The following PCDH15 variants were observed in gnomAD, a reference collection of about 807,000 sequenced individuals.
The protein encoded by PCDH15 is protocadherin-15.
In PCDH15, 129 loss-of-function variants were observed where a neutral mutation model predicts 178.5. That is an observed-to-expected ratio of 0.72 (90% CI 0.63 to 0.84). The LOEUF is 0.84. Ranked by LOEUF, PCDH15 falls within the 40% of genes least tolerant of loss-of-function variation. The pLI is 0.00. For synonymous variants in PCDH15, 800 were observed against 732.0 expected (o/e 1.09, Z -1.50); for missense variants, 2,230 against 2,099.9 (o/e 1.06, Z -1.21).
chr10:54,305,798 G>C (rs933940446), intron 8 of PCDH15, among the ~76,000 whole-genome samples: 4 of 151,802 alleles, frequency 2.6e-5, no homozygotes, highest in African/African-American at 9.7e-5. Flanking sequence ...AAAGGAGCCA[G>C]CCATAGGAAA....
At chr10:54,548,543 TG>T (rs1400100322) in intron 2 of PCDH15, among the ~76,000 whole-genome samples, 2 of 130,848 alleles carry the variant, frequency 1.5e-5, no homozygotes, top group African/African-American at 5.1e-5. Context: ...TATATATATA[TG>T]TATATGTGCC....
intron 2 of PCDH15, among the ~76,000 whole-genome samples, chr10:54,620,155 A>G (rs561374637): frequency 6.6e-6 from 1 of 152,204 alleles, no homozygotes; most frequent in East Asian, 1.9e-4. Context: ...CTAAAGATTT[A>G]CTTTGTTCTT....
chr10:54,208,515 C>T (rs1038418869), intron 10 of PCDH15, among the ~76,000 whole-genome samples: 1 of 152,036 alleles, frequency 6.6e-6, no homozygotes, highest in African/African-American at 2.4e-5. Flanking sequence ...CTCTCACCCT[C>T]TCATCCTCTC....
At chr10:55,019,811 G>T (rs1840277735) in intron 2 of PCDH15, among the ~76,000 whole-genome samples, 1 of 151,988 alleles carries the variant, frequency 6.6e-6, no homozygotes, top group Non-Finnish European at 1.5e-5. Flanking sequence ...AAAGTCATCT[G>T]TAATAGTATG....
intron 2 of PCDH15, among the ~76,000 whole-genome samples, chr10:55,532,231 G>A (rs904815755): frequency 3.3e-5 from 5 of 152,112 alleles, no homozygotes; most frequent in Admixed American, 1.3e-4. Flanking sequence ...CTCATATCGG[G>A]AAACAGTCTC....
At chr10:55,144,483 A>T (rs1838446597) in intron 2 of PCDH15, among the ~76,000 whole-genome samples, 1 of 152,156 alleles carries the variant, frequency 6.6e-6, no homozygotes, top group South Asian at 2.1e-4. Flanking sequence ...GATCTGCAGA[A>T]CTTCCTAATG....
At chr10:55,480,132 T>C (rs1840147949) in intron 2 of PCDH15, among the ~76,000 whole-genome samples, 1 of 151,636 alleles carries the variant, frequency 6.6e-6, no homozygotes, top group Non-Finnish European at 1.5e-5. Context: ...CCTATGATCA[T>C]GGAATGTTTT....
intron 2 of PCDH15, among the ~76,000 whole-genome samples, chr10:55,014,239 AT>A (rs2131946504): frequency 6.6e-6 from 1 of 152,254 alleles, no homozygotes; most frequent in East Asian, 1.9e-4. Flanking sequence ...TTTAATAGCA[AT>A]AACTTATGCT....
At chr10:54,531,645 T>TGAGAATAG (rs1417168087) in intron 2 of PCDH15, among the ~76,000 whole-genome samples, 1 of 152,168 alleles carries the variant, frequency 6.6e-6, no homozygotes, top group Non-Finnish European at 1.5e-5. Context: ...AATGTTCTTT[T>TGAGAATAG]AACGTTGATC....
intron 2 of PCDH15, among the ~76,000 whole-genome samples, chr10:54,984,528 G>A (rs545765147): frequency 1.3e-5 from 2 of 152,122 alleles, no homozygotes; most frequent in African/African-American, 4.8e-5. Flanking sequence ...ATTCTTAATT[G>A]AACTTAAGCA....
chr10:54,788,895 T>C (rs886626689), intron 1 of PCDH15, among the ~76,000 whole-genome samples: 2 of 151,888 alleles, frequency 1.3e-5, no homozygotes, highest in African/African-American at 4.8e-5. Context: ...GAGTTTGAAG[T>C]TGAATTCAAA....
At chr10:55,587,718 T>C (rs1842753306) in intron 2 of PCDH15, among the ~76,000 whole-genome samples, 1 of 152,182 alleles carries the variant, frequency 6.6e-6, no homozygotes, top group Non-Finnish European at 1.5e-5. Flanking sequence ...TTTAGATCCA[T>C]CTACTTTGAA....
intron 3 of PCDH15, among the ~76,000 whole-genome samples, chr10:54,474,418 A>G (rs951108631): frequency 6.6e-5 from 10 of 152,104 alleles, no homozygotes; most frequent in African/African-American, 2.2e-4. Flanking sequence ...ATCCTATGCT[A>G]AAGCCTGTAA....
chr10:55,286,840 T>C (rs1842883400), intron 1 of PCDH15, among the ~76,000 whole-genome samples: 2 of 152,170 alleles, frequency 1.3e-5, no homozygotes, highest in South Asian at 4.1e-4. Context: ...TCTTAAGTTT[T>C]ATTATATATT....
chr10:55,267,492 T>G (rs1842330509), intron 1 of PCDH15, among the ~76,000 whole-genome samples: 2 of 152,200 alleles, frequency 1.3e-5, no homozygotes, highest in African/African-American at 4.8e-5. Flanking sequence ...AAAACCAATT[T>G]GTCCTTTTTA....
intron 8 of PCDH15, among the ~76,000 whole-genome samples, chr10:54,249,492 A>T (rs2056290522): frequency 6.6e-6 from 1 of 152,142 alleles, no homozygotes; most frequent in Non-Finnish European, 1.5e-5. Context: ...CTGTTCATTT[A>T]CTTTGCCTAT....
At chr10:53,852,074 T>G (rs1476809905) in intron 28 of PCDH15, among the ~76,000 whole-genome samples, 1 of 152,040 alleles carries the variant, frequency 6.6e-6, no homozygotes, top group Non-Finnish European at 1.5e-5. Flanking sequence ...TTTCAAAATA[T>G]CTCTTTTATA....
At chr10:54,872,589 T>G (rs1954058568) in intron 3 of PCDH15, among the ~76,000 whole-genome samples, 1 of 152,180 alleles carries the variant, frequency 6.6e-6, no homozygotes, top group Non-Finnish European at 1.5e-5. Context: ...CATCATTGAT[T>G]ATTTTACTAC....
chr10:54,957,680 T>G (rs571876770), intron 2 of PCDH15, among the ~76,000 whole-genome samples: 4 of 151,432 alleles, frequency 2.6e-5, no homozygotes, highest in African/African-American at 9.7e-5. Context: ...GAAAATACAA[T>G]GATCAAAATG....
Sources: gnomAD v4.1 joint callset for allele counts (sites outside exome capture counted in the v4.1 genomes callset) on GRCh38, gnomAD v4.1.1 for gene constraint, MANE v1.5 for transcripts, NCBI Gene and HGNC (gene_info 2026-07-23, HGNC 2026-07-21) for gene names.